The following ZNF324B variants were observed in gnomAD, a reference collection of about 807,000 sequenced individuals.
ZNF324B encodes zinc finger protein 324B.
ZNF324B carries 7 observed loss-of-function variants against 10.6 expected under a neutral mutation model. The observed-to-expected ratio is 0.66, with a 90% CI of 0.38 to 1.24. The LOEUF (loss-of-function observed/expected upper bound fraction) is 1.24, where lower values mean the gene tolerates loss of function less well. ZNF324B is among the 50% of genes most tolerant of loss of function. ZNF324B has a pLI of 0.02. For missense variants in ZNF324B, 640 were observed against 764.7 expected (o/e 0.84, Z 1.92); for synonymous variants, 316 against 321.0 (o/e 0.98, Z 0.17).
At chr19:58,437,512 A>G in the ZNF324B span, among the ~76,000 whole-genome samples, 1 of 152,088 alleles carries the variant, frequency 6.6e-6, no homozygotes, top group Non-Finnish European at 1.5e-5. Context: ...CTGCTGGCCA[A>G]TTTTCCTTGT....
the ZNF324B span, chr19:58,433,211 T>C: frequency 8.5e-7 from 1 of 1,182,844 alleles, no homozygotes; most frequent in South Asian, 1.5e-5. Flanking sequence ...TTCTGAAGGC[T>C]TTTCCACATT....
At chr19:58,448,568 T>C (rs1390636781), upstream of ZNF324B, among the ~76,000 whole-genome samples, 1 of 151,910 alleles carries the variant, frequency 6.6e-6, no homozygotes, top group African/African-American at 2.4e-5. Context: ...ACTAAAAAAA[T>C]ACAAAGAAAT....
chr19:58,433,230 A>G, the ZNF324B span: 20 of 1,329,622 alleles, frequency 1.5e-5, no homozygotes, highest in South Asian at 6.9e-5. Flanking sequence ...TTAGCAGTAC[A>G]TGTAGGTAAT....
the ZNF324B span, chr19:58,439,725 C>G: frequency 6.7e-7 from 1 of 1,496,166 alleles, no homozygotes; most frequent in Non-Finnish European, 8.9e-7. Context: ...GCCGGAATCC[C>G]AGCGGGTGAG....
At chr19:58,437,164 T>C in the ZNF324B span, 4 of 1,613,482 alleles carry the variant, frequency 2.5e-6, no homozygotes, top group Non-Finnish European at 3.4e-6. Flanking sequence ...TCTTCAAAGG[T>C]TACCATGCTC....
At chr19:58,454,856 G>A in intron 3 of ZNF324B, 1 of 540,374 alleles carries the variant, frequency 1.9e-6, no homozygotes, top group Non-Finnish European at 3.4e-6. Context: ...AGGGGAGAAG[G>A]GAGTGAGCTA....
At chr19:58,442,211 G>T in the ZNF324B span, 2 of 129,354 alleles carry the variant, frequency 1.5e-5, no homozygotes, top group African/African-American at 3.3e-5. Context: ...GCCCAGGCCG[G>T]ACTGCGGACT....
rs1159685356 is a variant in ZNF324B at position 58,455,543 on chromosome 19, A to G, written c.599A>G (p.Gln200Arg). ...RTPERQKPCAQEVPGRAFGNA... is the reference protein window; with the variant it reads ...RTPERQKPCAREVPGRAFGNA... ...CCTGAGCGGCAGAAGCCATGTGCAC[A>G]GGAGGTCCCTGGGAGAGCCTTCGGG... Residue 200 changes from glutamine to arginine, a missense_variant, in exon 4 of 4, where the codon CAG becomes CGG. Coordinates refer to ENST00000336614, the MANE Select transcript of ZNF324B (RefSeq NM_207395.3). The surrounding 1 kb of genome is among the most constrained non-coding windows in gnomAD (Gnocchi z 7.0). 2.5e-6 allele frequency: 4 copies of G among 1,614,108 alleles called. No homozygotes were observed. Among genetic ancestry groups the G allele is most frequent in the South Asian group, 1.1e-5 (1 of 91,090 alleles).
rs144863328 is a variant in ZNF324B at position 58,456,292 on chromosome 19, G to A, written c.1348G>A (p.Glu450Lys). Residue 450 changes from glutamate to lysine, a missense_variant, in exon 4 of 4, where the codon GAG becomes AAG. By Grantham distance (56) the Glu-to-Lys change is moderately conservative (BLOSUM62 1). Around this residue, in one of 3 missense-constraint regions of ZNF324B, gnomAD observed 238 missense variants for 258.0 expected, o/e 0.92. Coordinates refer to ENST00000336614, the MANE Select transcript of ZNF324B (RefSeq NM_207395.3). This position sits in a 1 kb window ranked among gnomAD's most constrained non-coding sequence, Gnocchi z 4.7. ...LTQHQLLHTGERPFRCVDCGK... is the reference protein window; with the variant it reads ...LTQHQLLHTGKRPFRCVDCGK... The stretch of plus-strand genomic sequence containing the variant: ...CCAGCACCAGCTCCTGCACACGGGC[G>A]AGCGGCCCTTCCGCTGCGTGGACTG... 1.9e-5 allele frequency: 31 copies of A among 1,612,818 alleles called. No individual in the cohort carries two copies. The African/African-American group carries it at 3.6e-4, about 19-fold the overall frequency.
chr19:58,453,446 C>T (rs2052881538), intron 1 of ZNF324B, among the ~76,000 whole-genome samples: 1 of 152,204 alleles, frequency 6.6e-6, no homozygotes, highest in African/African-American at 2.4e-5. Flanking sequence ...AGGGCCCAGC[C>T]AGGGCTTGCT....
At chr19:58,420,306 C>G in the ZNF324B span, among the ~76,000 whole-genome samples, 2 of 152,006 alleles carry the variant, frequency 1.3e-5, no homozygotes, top group Non-Finnish European at 2.9e-5. Flanking sequence ...GTAGTCCCAG[C>G]TACTTGGGAG....
the ZNF324B span, chr19:58,441,912 C>T: frequency 6.6e-6 from 1 of 152,370 alleles, no homozygotes; most frequent in African/African-American, 2.4e-5. Flanking sequence ...AAGGGGGCTT[C>T]TACAGTGACA....
chr19:58,435,057 C>G, the ZNF324B span: 1 of 1,614,120 alleles, frequency 6.2e-7, no homozygotes, highest in Non-Finnish European at 8.5e-7. Context: ...GATGCTCAGC[C>G]AGGTGCAAAA....
At chr19:58,427,354 CTTTCTTTCTTT>C in the ZNF324B span, among the ~76,000 whole-genome samples, 5 of 51,262 alleles carry the variant, frequency 9.8e-5, no homozygotes, top group Admixed American at 2.6e-4. Flanking sequence ...TCTTTCCTTT[CTTTCTTTCTTT>C]CTTTCTTTCT....
the ZNF324B span, chr19:58,435,336 G>C: frequency 1.8e-6 from 2 of 1,104,566 alleles, no homozygotes; most frequent in Non-Finnish European, 2.5e-6. Flanking sequence ...CAGGCCAACA[G>C]GGCCATCATC....
chr19:58,434,741 G>C, the ZNF324B span: 3 of 1,614,224 alleles, frequency 1.9e-6, no homozygotes, highest in Non-Finnish European at 2.5e-6. Context: ...CACTCGAAGA[G>C]TTTCTGTGTG....
At chr19:58,425,131 C>T in the ZNF324B span, among the ~76,000 whole-genome samples, 1 of 152,150 alleles carries the variant, frequency 6.6e-6, no homozygotes, top group Non-Finnish European at 1.5e-5. Context: ...CGGTGCACAC[C>T]TGTAGTCCCA....
At chr19:58,418,738 T>C in the ZNF324B span, 1 of 152,214 alleles carries the variant, frequency 6.6e-6, no homozygotes, top group Non-Finnish European at 1.5e-5. Flanking sequence ...GCGTATTGAA[T>C]AGCTAGGATT....
At chr19:58,432,409 ATTCC>A in the ZNF324B span, 1 of 449,036 alleles carries the variant, frequency 2.2e-6, no homozygotes, top group South Asian at 1.6e-5. Context: ...AACTATGGCT[ATTCC>A]TTTGTCCATG....
Sources: gnomAD v4.1 joint callset for allele counts (sites outside exome capture counted in the v4.1 genomes callset) on GRCh38, gnomAD v4.1.1 for gene constraint, gnomAD v4.1.1 regional missense constraint, Gnocchi (gnomAD v3.1) non-coding constraint, MANE v1.5 for transcripts, NCBI Gene and HGNC (gene_info 2026-07-23, HGNC 2026-07-21) for gene names.